KIF26B: variants seen among roughly 807,000 people sequenced by gnomAD.
KIF26B encodes kinesin family member 26B, also known as kinesin-like protein KIF26B.
A neutral mutation model predicts 151.2 loss-of-function variants in KIF26B; 63 were observed. That is an observed-to-expected ratio of 0.42 (90% CI 0.34 to 0.51). KIF26B has a LOEUF of 0.51. Ranked by LOEUF, KIF26B falls within the 20% of genes least tolerant of loss-of-function variation. The probability of loss-of-function intolerance (pLI) is 0.07; values close to 1 mark genes in which losing one functional copy is unlikely to be tolerated. For missense variants in KIF26B, 2,813 were observed against 2,913.6 expected, an observed-to-expected ratio of 0.97 and a Z score of 0.79; for synonymous variants, 1,357 against 1,262.1, an observed-to-expected ratio of 1.08 and a Z score of -1.59.
Position 245,601,280 on chromosome 1 carries a change from G to A in KIF26B, c.1351-1297G>A, listed in dbSNP as rs2043393308. On this transcript the variant is annotated intron_variant, in intron 5 of 14. Transcript: ENST00000407071. The surrounding 1 kb of genome is among the most constrained non-coding windows in gnomAD (Gnocchi z 4.4). The stretch of plus-strand genomic sequence containing the variant: ...GGTGCAGGACACCTGCGGACCCAGT[G>A]CCCTTGGGATTCTTTACCTTCAGCT... 6.6e-6 allele frequency among the ~76,000 whole-genome samples: 1 copy of A among 152,234 alleles called. No homozygotes were observed. Among genetic ancestry groups the A allele is most frequent in the Non-Finnish European group, 1.5e-5 (1 of 68,044 alleles).
At chr1:245,381,904 TTTCC>T (rs1673420078) in intron 3 of KIF26B, among the ~76,000 whole-genome samples, 1 of 152,176 alleles carries the variant, frequency 6.6e-6, no homozygotes, top group Non-Finnish European at 1.5e-5. Flanking sequence ...TATGTCAGAA[TTTCC>T]TTCCTTTTAA....
At chr1:245,331,212 G>A (rs568268758) in intron 2 of KIF26B, among the ~76,000 whole-genome samples, 17 of 152,178 alleles carry the variant, frequency 1.1e-4, no homozygotes, top group South Asian at 6.2e-4. Context: ...CATGGATCGC[G>A]CTCTTGCCGG....
At chr1:245,567,076 G>A (rs1019800512) in intron 5 of KIF26B, among the ~76,000 whole-genome samples, 3 of 152,280 alleles carry the variant, frequency 2.0e-5, no homozygotes, top group African/African-American at 7.2e-5. Context: ...CACCCCAGCC[G>A]CGGCCAAGGG....
intron 10 of KIF26B, among the ~76,000 whole-genome samples, chr1:245,666,765 A>G (rs1339422591): frequency 2.6e-5 from 4 of 152,154 alleles, no homozygotes; most frequent in African/African-American, 9.6e-5. Flanking sequence ...TAAAAGGGTT[A>G]TCCGCCCTTT....
chr1:245,592,885 G>A (rs540421572), intron 5 of KIF26B, among the ~76,000 whole-genome samples: 1 of 152,282 alleles, frequency 6.6e-6, no homozygotes, highest in South Asian at 2.1e-4. Context: ...GTAACTATGG[G>A]TTGATGGAGC....
chr1:245,345,626 G>A (rs1672437553), intron 2 of KIF26B, among the ~76,000 whole-genome samples: 1 of 152,012 alleles, frequency 6.6e-6, no homozygotes, highest in African/African-American at 2.4e-5. Flanking sequence ...TGGATCTCGG[G>A]GGTGGTTTCT....
intron 4 of KIF26B, among the ~76,000 whole-genome samples, chr1:245,483,659 T>G (rs1572085475): frequency 6.6e-6 from 1 of 151,950 alleles, no homozygotes. Flanking sequence ...TGCACACGTA[T>G]GCATGAAGGG....
In KIF26B at chr1:245,603,808, C is replaced by T. The variant is rs141433184; in HGVS notation, c.1557+1025C>T. Among the ~76,000 whole-genome samples the T allele has an allele frequency of 4.6e-3, 708 of 152,264 alleles. 5 individuals carry two copies. Among genetic ancestry groups the T allele is most frequent in the African/African-American group, 0.016 (669 of 41,548 alleles). On this transcript the variant is annotated intron_variant, in intron 6 of 14. Coordinates refer to ENST00000407071, the MANE Select transcript of KIF26B (RefSeq NM_018012.4). ...GAAGAGATTGCTTCTAATGATTGGA[C>T]GAGCTCCAAGTCACATTGCAAGGGA...
intron 3 of KIF26B, among the ~76,000 whole-genome samples, chr1:245,385,257 T>G (rs1480311261): frequency 6.6e-6 from 1 of 152,264 alleles, no homozygotes; most frequent in Non-Finnish European, 1.5e-5. Flanking sequence ...CTACCTCTTC[T>G]AAGTAGAAAT....
At chr1:245,347,321 C>CT (rs1289145706) in intron 2 of KIF26B, among the ~76,000 whole-genome samples, 18 of 150,632 alleles carry the variant, frequency 1.2e-4, no homozygotes, top group Middle Eastern at 3.4e-3. Context: ...TTCTTTCTTT[C>CT]TTTTTTTTTA....
At chr1:245,333,857 G>T (rs961209477) in intron 2 of KIF26B, among the ~76,000 whole-genome samples, 10 of 152,126 alleles carry the variant, frequency 6.6e-5, no homozygotes, top group Non-Finnish European at 1.2e-4. Flanking sequence ...AATTAGCCAG[G>T]CATGGTGGTG....
intron 5 of KIF26B, among the ~76,000 whole-genome samples, chr1:245,548,759 T>TTAA (rs1553286724): frequency 8.6e-5 from 13 of 150,494 alleles, no homozygotes; most frequent in African/African-American, 2.4e-4. Context: ...TTTTTTTTTT[T>TTAA]AAAAACAGGG....
intron 4 of KIF26B, among the ~76,000 whole-genome samples, chr1:245,472,685 G>A (rs972020673): frequency 8.5e-5 from 13 of 152,200 alleles, no homozygotes; most frequent in African/African-American, 1.2e-4. Context: ...GTGGTTGGCC[G>A]TCTTTCTCTG....
At chr1:245,201,542 C>T (rs556521234) in intron 2 of KIF26B, among the ~76,000 whole-genome samples, 2 of 152,270 alleles carry the variant, frequency 1.3e-5, no homozygotes, top group South Asian at 2.1e-4. Context: ...GATAATTGCA[C>T]CTTTGTAACT....
chr1:245,506,931 C>A (rs1291588244), intron 4 of KIF26B, among the ~76,000 whole-genome samples: 1 of 152,198 alleles, frequency 6.6e-6, no homozygotes, highest in Non-Finnish European at 1.5e-5. Context: ...CCACCCACGT[C>A]GGCCTCCCAA....
intron 4 of KIF26B, among the ~76,000 whole-genome samples, chr1:245,535,048 G>A (rs952288166): frequency 1.1e-4 from 17 of 152,280 alleles, no homozygotes; most frequent in African/African-American, 3.8e-4. Context: ...CTCCCAAAGT[G>A]CTGGGATTAC....
chr1:245,185,387 C>A (rs1346391176), intron 2 of KIF26B, among the ~76,000 whole-genome samples: 3 of 151,998 alleles, frequency 2.0e-5, no homozygotes, highest in Non-Finnish European at 4.4e-5. Context: ...AATCAGGTGG[C>A]GGAGATACTT....
chr1:245,623,192 C>G (rs191744641), intron 9 of KIF26B, among the ~76,000 whole-genome samples: 1 of 151,890 alleles, frequency 6.6e-6, no homozygotes, highest in Admixed American at 6.6e-5. Context: ...TTCTTCACCC[C>G]CAAAAGTTTC....
At chr1:245,607,864 G>C in intron 7 of KIF26B, 120 bp downstream of exon 7, 1 of 741,548 alleles carries the variant, frequency 1.3e-6, no homozygotes, top group Non-Finnish European at 2.2e-6. Flanking sequence ...CTTAGGTGTT[G>C]AGCTGAATAA....
Sources: gnomAD v4.1 joint callset for allele counts (sites outside exome capture counted in the v4.1 genomes callset) on GRCh38, gnomAD v4.1.1 for gene constraint, Gnocchi (gnomAD v3.1) non-coding constraint, MANE v1.5 for transcripts, NCBI Gene and HGNC (gene_info 2026-07-23, HGNC 2026-07-21) for gene names.